LARGE1: variants seen among roughly 807,000 people sequenced by gnomAD.
LARGE1 encodes xylosyl- and glucuronyltransferase LARGE1.
LARGE1 carries 43 observed loss-of-function variants against 87.6 expected under a neutral mutation model. That is an observed-to-expected ratio of 0.49 (90% CI 0.38 to 0.63). The LOEUF (loss-of-function observed/expected upper bound fraction) is 0.63. LARGE1 is among the 30% of genes least tolerant of loss of function. LARGE1 has a pLI of 0.00. For missense variants in LARGE1, 802 were observed against 1,000.2 expected, an observed-to-expected ratio of 0.80 and a Z score of 2.67; for synonymous variants, 434 against 394.6, an observed-to-expected ratio of 1.10 and a Z score of -1.18.
At chr22:33,894,805 T>A (rs1435072498) in intron 1 of LARGE1, among the ~76,000 whole-genome samples, 1 of 152,138 alleles carries the variant, frequency 6.6e-6, no homozygotes, top group Non-Finnish European at 1.5e-5. Flanking sequence ...CTCATCAGGC[T>A]GTTGGGAAAA....
At position 33,243,804 on chromosome 22, in the gene LARGE1, G is replaced by A. The variant is rs140273032; in HGVS notation, c.1730+60425C>T. Among the ~76,000 whole-genome samples the A allele has an allele frequency of 4.1e-3, 620 of 152,160 alleles. 3 individuals are homozygous for A. Among genetic ancestry groups the A allele is most frequent in the African/African-American group, 0.014 (581 of 41,502 alleles). ...TGAGTCATGCATAAAGAGTTTTCAG[G>A]TCACCTTTTTTTATTCTGAAAGTAG... On this transcript the variant is annotated intron_variant, in intron 11 of 11. Transcript: ENST00000608642.
chr22:33,404,937 T>C (rs1468689475), intron 7 of LARGE1, among the ~76,000 whole-genome samples: 1 of 152,182 alleles, frequency 6.6e-6, no homozygotes, highest in Non-Finnish European at 1.5e-5. Flanking sequence ...AGGGTGATTC[T>C]TAGTCATCAC....
At chr22:33,518,079 T>C (rs2071397522) in intron 6 of LARGE1, among the ~76,000 whole-genome samples, 1 of 152,210 alleles carries the variant, frequency 6.6e-6, no homozygotes, top group Non-Finnish European at 1.5e-5. Context: ...CTTGAGGAAA[T>C]CATACAGCTG....
At chr22:33,547,982 C>T (rs957745104) in intron 6 of LARGE1, among the ~76,000 whole-genome samples, 6 of 151,976 alleles carry the variant, frequency 3.9e-5, no homozygotes, top group Admixed American at 2.0e-4. Flanking sequence ...CCATCACTGC[C>T]GACCAACCCT....
the LARGE1 span, among the ~76,000 whole-genome samples, chr22:33,101,010 T>C: frequency 2.3e-3 from 352 of 152,006 alleles, 1 homozygote; most frequent in African/African-American, 7.8e-3. Flanking sequence ...CACACCCGGC[T>C]AATTTTTTAT....
In LARGE1 at chr22:33,511,005, G is replaced by A. The variant is rs187269081; in HGVS notation, c.787+53843C>T. On this transcript the variant is annotated intron_variant, in intron 6 of 14. Coordinates refer to ENST00000397394, the MANE Select transcript of LARGE1 (RefSeq NM_133642.5). ...TATACAAATGAACCCAATTCAAGGT[G>A]GCGGGTGCCGATACAGTTCTGTATT... 5.3e-3 allele frequency among the ~76,000 whole-genome samples: 809 copies of A among 152,294 alleles called. 6 individuals carry two copies. The highest frequency in any genetic ancestry group is 0.018 in the African/African-American group (754 of 41,564).
chr22:33,247,415 T>C (rs1348114862), intron 11 of LARGE1, among the ~76,000 whole-genome samples: 2 of 152,216 alleles, frequency 1.3e-5, no homozygotes, highest in Non-Finnish European at 2.9e-5. Flanking sequence ...TCATTACAGC[T>C]GATAATTTTC....
rs1818126727 is a variant in LARGE1 at position 33,328,218 on chromosome 22, C to G, written c.1287+9428G>C. Among the ~76,000 whole-genome samples the G allele has an allele frequency of 2.0e-5, 3 of 152,264 alleles. 1 individual carries two copies. The South Asian group carries it at 6.2e-4, about 32-fold the overall frequency. ...GAGACCACTCAACTATGAATCAGGG[C>G]TTGATACCGGCTTCAGCCCTGCCAC... On this transcript the variant is annotated intron_variant, in intron 10 of 14. Transcript: ENST00000397394.
intron 11 of LARGE1, among the ~76,000 whole-genome samples, chr22:33,200,358 G>A (rs920297796): frequency 3.3e-5 from 5 of 152,214 alleles, no homozygotes; most frequent in African/African-American, 1.2e-4. Flanking sequence ...TGGCGAGGAT[G>A]TGGAGAAGTC....
intron 1 of LARGE1, among the ~76,000 whole-genome samples, chr22:33,765,799 T>A (rs1388075705): frequency 1.3e-5 from 2 of 148,628 alleles, no homozygotes; most frequent in Non-Finnish European, 3.0e-5. Context: ...GCATTAATAA[T>A]ATTCAAATAA....
At chr22:33,756,991 G>A (rs1238419312) in intron 2 of LARGE1, among the ~76,000 whole-genome samples, 1 of 152,176 alleles carries the variant, frequency 6.6e-6, no homozygotes, top group Non-Finnish European at 1.5e-5. Flanking sequence ...TGACTGAGAT[G>A]TTAGAGAAAG....
At chr22:33,074,714 A>AG in the LARGE1 span, among the ~76,000 whole-genome samples, 669 of 152,280 alleles carry the variant, frequency 4.4e-3, 4 homozygotes, top group African/African-American at 0.015. Flanking sequence ...AAAGAAAAAA[A>AG]GAAAAAAATC....
chr22:33,500,535 T>C (rs1030205845), intron 6 of LARGE1, among the ~76,000 whole-genome samples: 7 of 152,100 alleles, frequency 4.6e-5, no homozygotes, highest in African/African-American at 1.7e-4. Context: ...TAAAGAAAAA[T>C]TGGTCTCATA....
intron 2 of LARGE1, among the ~76,000 whole-genome samples, chr22:33,741,070 G>T (rs79739699): frequency 1.3e-5 from 2 of 152,218 alleles, no homozygotes; most frequent in Admixed American, 1.3e-4. Flanking sequence ...AAATGTGAAG[G>T]CTACTAGTTT....
chr22:33,736,339 T>C (rs1290333134), intron 2 of LARGE1, among the ~76,000 whole-genome samples: 1 of 152,244 alleles, frequency 6.6e-6, no homozygotes, highest in Non-Finnish European at 1.5e-5. Context: ...CTAGTGAGTG[T>C]GAAGTGGTAT....
Position 33,317,299 on chromosome 22 carries a change from C to T in LARGE1, c.1288-1051G>A, listed in dbSNP as rs1936270820. Among the ~76,000 whole-genome samples the T allele has an allele frequency of 2.0e-5, 3 of 152,054 alleles. No homozygotes were observed. In the South Asian group the frequency reaches 6.2e-4, roughly 32 times the overall value. ...GAAAATGCCCAAAGAAGAAAACGCT[C>T]AAAACTGACAAGGACCTCCGTATGA... On this transcript the variant is annotated intron_variant, in intron 10 of 14. Coordinates refer to ENST00000397394, the MANE Select transcript of LARGE1 (RefSeq NM_133642.5).
rs1006749687 is a variant in LARGE1 at position 33,537,682 on chromosome 22, T to C, written c.787+27166A>G. 9.8e-4 allele frequency among the ~76,000 whole-genome samples: 149 copies of C among 152,304 alleles called. 1 individual carries two copies. Among genetic ancestry groups the C allele is most frequent in the African/African-American group, 3.6e-3 (148 of 41,576 alleles). The stretch of plus-strand genomic sequence containing the variant: ...CCTGGGTTCAAGCAAGTCTCCTCCC[T>C]CAGCCTCCCAAGTAGCCGGGACTAC... On this transcript the variant is annotated intron_variant, in intron 6 of 14. Coordinates refer to ENST00000397394, the MANE Select transcript of LARGE1 (RefSeq NM_133642.5).
intron 1 of LARGE1, among the ~76,000 whole-genome samples, chr22:33,885,667 G>A (rs1012690859): frequency 2.0e-5 from 3 of 152,054 alleles, no homozygotes; most frequent in African/African-American, 7.2e-5. Flanking sequence ...GCTACCCTCC[G>A]GGAGATGAAC....
chr22:33,817,750 A>G (rs2086698644), intron 1 of LARGE1, among the ~76,000 whole-genome samples: 3 of 152,192 alleles, frequency 2.0e-5, no homozygotes, highest in Admixed American at 2.0e-4. Flanking sequence ...CGATATTAGC[A>G]TTCAGTAGTA....
Sources: gnomAD v4.1 joint callset for allele counts (sites outside exome capture counted in the v4.1 genomes callset) on GRCh38, gnomAD v4.1.1 for gene constraint, MANE v1.5 for transcripts, NCBI Gene and HGNC (gene_info 2026-07-23, HGNC 2026-07-21) for gene names.